BSG: variants seen among roughly 807,000 people sequenced by gnomAD.
BSG encodes basigin (Ok blood group).
A neutral mutation model predicts 43.1 loss-of-function variants in BSG; 37 were observed. The ratio of observed to expected loss-of-function variants is 0.86; its 90% CI spans 0.66 to 1.13. BSG has a LOEUF of 1.13. Ranked by LOEUF, BSG falls within the 50% of genes most tolerant of loss-of-function variation. The pLI is 0.00. For missense variants in BSG, 599 were observed against 554.2 expected, an observed-to-expected ratio of 1.08 and a Z score of -0.81; for synonymous variants, 309 against 238.7, an observed-to-expected ratio of 1.29 and a Z score of -2.72.
chr19:571,498 T>C (rs1981232061), upstream of BSG: 5 of 778,746 alleles, frequency 6.4e-6, no homozygotes, highest in East Asian at 1.2e-4. Context: ...AGTCTGGGTT[T>C]ACGCGTCACC....
chr19:580,753 T>A lies in BSG; in HGVS notation c.763T>A (p.Trp255Arg). 6.2e-7 allele frequency: 1 copy of A among 1,611,042 alleles called. No individual in the cohort carries two copies. The highest frequency in any genetic ancestry group is 8.5e-7 in the Non-Finnish European group (1 of 1,179,576). Residue 255 changes from tryptophan (W) to arginine (R), a missense_variant, in exon 5 of 9, where the codon TGG (tryptophan) becomes AGG (arginine). Coordinates refer to ENST00000333511, the MANE Select transcript of BSG (RefSeq NM_001728.4). Reference sequence around the variant, plus strand: ...CGTGCCACCTGTCACTGACTGGGCCTGGTACAAGATCACTGACTCTGAGGA... The same window carrying A: ...CGTGCCACCTGTCACTGACTGGGCCAGGTACAAGATCACTGACTCTGAGGA... ...ESVPPVTDWAWYKITDSEDKA... is the reference protein window; with the variant it reads ...ESVPPVTDWARYKITDSEDKA...
chr19:582,475 T>TG, intron 7 of BSG, 39 bp from the exon 8 acceptor site: 1 of 1,603,490 alleles, frequency 6.2e-7, no homozygotes, highest in Non-Finnish European at 8.5e-7. Context: ...GAGAGTGACT[T>TG]GCGGGGGACA....
intron 5 of BSG, 66 bp from the exon 6 acceptor site, chr19:581,249 C>T: frequency 7.2e-7 from 1 of 1,381,672 alleles, no homozygotes; most frequent in Admixed American, 2.1e-5. Flanking sequence ...CGGACTCAGC[C>T]CTCAGGACTG....
chr19:572,324 T>C, upstream of BSG: 1 of 975,818 alleles, frequency 1.0e-6, no homozygotes, highest in Non-Finnish European at 1.2e-6. Context: ...ATTGCAACTT[T>C]GAAAGCAGGA....
chr19:573,248 G>A (rs1280100208), intron 1 of BSG, among the ~76,000 whole-genome samples: 3 of 152,166 alleles, frequency 2.0e-5, no homozygotes, highest in African/African-American at 7.2e-5. Context: ...GACTCCGCAG[G>A]ACCTGGGGAA....
intron 1 of BSG, among the ~76,000 whole-genome samples, chr19:576,236 C>T (rs1241588917): frequency 2.6e-5 from 4 of 152,182 alleles, no homozygotes; most frequent in Non-Finnish European, 4.4e-5. Flanking sequence ...AGGGGCCAGC[C>T]CTCTCCTAGC....
chr19:572,276 C>A, upstream of BSG: 1 of 568,478 alleles, frequency 1.8e-6, no homozygotes, highest in Non-Finnish European at 2.2e-6. Flanking sequence ...AACACACTTT[C>A]AACGCTTCAA....
upstream of BSG, chr19:572,566 C>G: frequency 7.0e-7 from 1 of 1,422,222 alleles, no homozygotes; most frequent in Non-Finnish European, 9.3e-7. Context: ...GCCTCCGCCG[C>G]TTTTTATAGC....
rs182848936 is a variant in BSG at position 583,201 on chromosome 19, C to T, written c.*457C>T. On this transcript the variant is annotated 3_prime_UTR_variant, in exon 9 of 9. Coordinates refer to ENST00000333511, the MANE Select transcript of BSG (RefSeq NM_001728.4). ...GAGGGCCACGGGTCTGTGTTCGACT[C>T]AGCCTCAGGGACGACTCTGACCTCT... is the stretch of plus-strand genomic sequence containing the variant. 6.5e-5 allele frequency: 10 copies of T among 153,650 alleles called. No individual in the cohort carries two copies. The highest frequency in any genetic ancestry group is 2.4e-4 in the African/African-American group (10 of 41,594). The allele number at this position is 153,650 out of a possible 1,614,324, so 9.5% of individuals were successfully genotyped here.
chr19:572,280 G>T (rs541980541), upstream of BSG: 20 of 604,392 alleles, frequency 3.3e-5, 1 homozygote, highest in Non-Finnish European at 4.0e-5. Context: ...CACTTTCAAC[G>T]CTTCAACCCC....
intron 1 of BSG, chr19:575,532 G>C (rs1224234125): frequency 6.6e-6 from 1 of 150,916 alleles, no homozygotes; most frequent in Non-Finnish European, 1.5e-5. Flanking sequence ...TGCGGCCGGT[G>C]GGGGTGGGTG....
rs11551904 is a variant in BSG at position 580,743 on chromosome 19, T to C, written c.753T>C (p.Thr251=). ...AGTCAGAGTCCGTGCCACCTGTCAC[T>C]GACTGGGCCTGGTACAAGATCACTG... ...VCKSESVPPV[T]DWAWYKITDS... Residue 251 remains threonine (T), a synonymous_variant, in exon 5 of 9, where the codon ACT becomes ACC. Transcript: ENST00000333511. 1.2e-6 allele frequency: 2 copies of C among 1,612,522 alleles called. No homozygotes were observed. Among genetic ancestry groups the C allele is most frequent in the Non-Finnish European group, 1.7e-6 (2 of 1,179,912 alleles).
At chr19:574,184 G>A (rs1051072858) in intron 1 of BSG, among the ~76,000 whole-genome samples, 27 of 151,822 alleles carry the variant, frequency 1.8e-4, no homozygotes, top group Admixed American at 6.6e-5. Flanking sequence ...GAACCTGGGA[G>A]GTGAAGGTTG....
In BSG at chr19:579,505, A is replaced by G; in HGVS notation, c.421A>G (p.Thr141Ala). ...CGTCTCGCCGGGCCTTGCAGCCGGC[A>G]CAGTCTTCACTACCGTAGAAGACCT... ...QAVVLVLEPG[T>A]VFTTVEDLGS... Residue 141 changes from threonine (T) to alanine (A), a missense_variant, in exon 3 of 9, where the codon ACA (threonine) becomes GCA (alanine). Physicochemically the swap from Thr to Ala is moderately conservative, Grantham distance 58. Transcript: ENST00000333511. The G allele has an allele frequency of 6.2e-7, 1 of 1,612,644 alleles. No individual in the cohort carries two copies. The highest frequency in any genetic ancestry group is 8.5e-7 in the Non-Finnish European group (1 of 1,179,904).
At chr19:572,340 G>A (rs1040743846), upstream of BSG, 5 of 1,026,858 alleles carry the variant, frequency 4.9e-6, no homozygotes, top group Non-Finnish European at 4.7e-6. Context: ...CAGGAAGGAA[G>A]AAATGCGCAG....
Position 572,671 on chromosome 19 carries a change from C to T in BSG, c.37C>T (p.Leu13=). The change falls in exon 1 of 9, where the codon CTG becomes TTG. Residue 13 remains leucine (L), a synonymous_variant. Coordinates refer to ENST00000333511, the MANE Select transcript of BSG (RefSeq NM_001728.4). ...GCTGTTCGTGCTGCTGGGATTCGCG[C>T]TGCTGGGCACCCACGGAGCCTCCGG... ...AALFVLLGFA[L]LGTHGASGAA... 5 of 1,501,096 alleles carry T rather than the reference C, an allele frequency of 3.3e-6. No individual in the cohort carries two copies. Among genetic ancestry groups the T allele is most frequent in the Non-Finnish European group, 4.5e-6 (5 of 1,122,650 alleles). 93.0% of individuals were successfully genotyped at this position (1,501,096 alleles called of 1,614,324 possible).
intron 1 of BSG, among the ~76,000 whole-genome samples, chr19:575,821 C>T (rs934680304): frequency 1.3e-5 from 2 of 152,076 alleles, no homozygotes; most frequent in East Asian, 3.9e-4. Context: ...CAGGCGCCGT[C>T]CCTCCTCCTG....
intron 7 of BSG, 79 bp downstream of exon 7, chr19:582,409 C>G: frequency 6.3e-7 from 1 of 1,599,124 alleles, no homozygotes; most frequent in South Asian, 1.1e-5. Flanking sequence ...AGGCAGAGCC[C>G]CTGGGCTTCA....
chr19:583,243 ACT>A lies in BSG; in HGVS notation c.*500_*501del, dbSNP rs1471493742. On this transcript the variant is annotated 3_prime_UTR_variant, in exon 9 of 9. Coordinates refer to ENST00000333511, the MANE Select transcript of BSG (RefSeq NM_001728.4). ...CTGACCTCTTGGCCACAGAGGACTC[ACT>A]TGCCCACACCGAGGGCGACCCCGTC... is the stretch of plus-strand genomic sequence containing the variant. 6.6e-6 allele frequency: 1 copy of A among 152,452 alleles called. No homozygotes were observed. The highest frequency in any genetic ancestry group is 2.4e-5 in the African/African-American group (1 of 41,450). 9.4% of individuals were successfully genotyped at this position (152,452 alleles called of 1,614,324 possible).
Sources: gnomAD v4.1 joint callset for allele counts (sites outside exome capture counted in the v4.1 genomes callset) on GRCh38, gnomAD v4.1.1 for gene constraint, MANE v1.5 for transcripts, NCBI Gene and HGNC (gene_info 2026-07-23, HGNC 2026-07-21) for gene names.